Variants in UCN observed in about 807,000 individuals in gnomAD.
UCN encodes prepro-urocortin.
In UCN, 5 loss-of-function variants were observed where a neutral mutation model predicts 6.5. The ratio of observed to expected loss-of-function variants is 0.77; its 90% CI spans 0.40 to 1.62. The LOEUF is 1.62. Among genes scored for constraint, UCN ranks in the 40% most tolerant of loss-of-function variants. The pLI is 0.02. For missense variants in UCN, 195 were observed against 188.8 expected (o/e 1.03, Z -0.19); for synonymous variants, 95 against 96.4 (o/e 0.99, Z 0.09).
Position 27,308,046 on chromosome 2 carries a change from G to A in UCN, c.-14+114C>T. ...CCTGCCCTCCAGCCCCAGCCACTGC[G>A]CCAGTGCTGTTCCATCCCTTCCACC... On this transcript the variant is annotated intron_variant, in intron 1 of 1. Transcript: ENST00000296099. The surrounding 1 kb of genome is among the most constrained non-coding windows in gnomAD (Gnocchi z 4.2). The A allele has an allele frequency of 2.6e-6, 2 of 778,520 alleles. No individual in the cohort carries two copies. The highest frequency in any genetic ancestry group is 3.6e-6 in the Non-Finnish European group (2 of 554,080). 48.2% of individuals were successfully genotyped at this position (778,520 alleles called of 1,614,324 possible). A position where few individuals can be genotyped will look rare whatever the true frequency, so the allele number is the denominator to read the frequency against.
At position 27,307,883 on chromosome 2, in the gene UCN, C is replaced by A; in HGVS notation, c.13G>T (p.Gly5Ter). Residue 5 changes from glycine to a stop codon, truncating the protein, a stop_gained, in exon 2 of 2, where the codon GGA (glycine) becomes TGA (stop). Transcript: ENST00000296099. LOFTEE classifies it high-confidence loss of function. This position sits in a 1 kb window ranked among gnomAD's most constrained non-coding sequence, Gnocchi z 6.9. MRQA[G>*]RAALLAALLL... ...AGCGCGGCCAGCAGCGCTGCGCGTC[C>A]CGCCTGCCTCATGGTGCCGCCGGCC... 6.8e-7 allele frequency: 1 copy of A among 1,476,310 alleles called. No individual in the cohort carries two copies. Among genetic ancestry groups the A allele is most frequent in the Non-Finnish European group, 8.9e-7 (1 of 1,121,680 alleles). The allele number at this position is 1,476,310 out of a possible 1,614,324, so 91.5% of individuals were successfully genotyped here.
At position 27,307,442 on chromosome 2, in the gene UCN, G is replaced by T; in HGVS notation, c.*79C>A. On this transcript the variant is annotated 3_prime_UTR_variant, in exon 2 of 2. Coordinates refer to ENST00000296099, the MANE Select transcript of UCN (RefSeq NM_003353.4). This position sits in a 1 kb window ranked among gnomAD's most constrained non-coding sequence, Gnocchi z 6.9. ...ATTAAAAAATAGTCACGCAGACAGT[G>T]CCCTGGTGGCTCTGCCCCGCATCCC... 6.3e-7 allele frequency: 1 copy of T among 1,594,736 alleles called. No homozygotes were observed. The highest frequency in any genetic ancestry group is 8.5e-7 in the Non-Finnish European group (1 of 1,171,846).
chr2:27,307,470 C>T lies in UCN; in HGVS notation c.*51G>A, dbSNP rs557448134. 1.2e-6 allele frequency: 2 copies of T among 1,609,010 alleles called. No individual in the cohort carries two copies. The highest frequency in any genetic ancestry group is 1.3e-5 in the African/African-American group (1 of 74,570). On this transcript the variant is annotated 3_prime_UTR_variant, in exon 2 of 2. Transcript: ENST00000296099. This position sits in a 1 kb window ranked among gnomAD's most constrained non-coding sequence, Gnocchi z 6.9. ...CTGGTGGCTCTGCCCCGCATCCCAACTCTGGGGTGGGGGAAAGGGGTCAAC... is the reference window on the plus strand; with the variant it reads ...CTGGTGGCTCTGCCCCGCATCCCAATTCTGGGGTGGGGGAAAGGGGTCAAC...
rs778340628 is a variant in UCN at position 27,308,037 on chromosome 2, A to G, written c.-14+123T>C. ...TGCCCGCAGCCTGCCCTCCAGCCCC[A>G]GCCACTGCGCCAGTGCTGTTCCATC... is the stretch of plus-strand genomic sequence containing the variant. On this transcript the variant is annotated intron_variant, in intron 1 of 1. Coordinates refer to ENST00000296099, the MANE Select transcript of UCN (RefSeq NM_003353.4). This position sits in a 1 kb window ranked among gnomAD's most constrained non-coding sequence, Gnocchi z 4.2. The G allele has an allele frequency of 7.1e-6, 6 of 850,478 alleles. No homozygotes were observed. Among genetic ancestry groups the G allele is most frequent in the Non-Finnish European group, 9.7e-6 (6 of 619,440 alleles). 52.7% of individuals were successfully genotyped at this position (850,478 alleles called of 1,614,324 possible). A position where few individuals can be genotyped will look rare whatever the true frequency, so the allele number is the denominator to read the frequency against.
At position 27,307,606 on chromosome 2, in the gene UCN, C is replaced by T; in HGVS notation, c.290G>A (p.Arg97Gln). 1.9e-6 allele frequency: 3 copies of T among 1,612,700 alleles called. No homozygotes were observed. Among genetic ancestry groups the T allele is most frequent in the Non-Finnish European group, 8.5e-7 (1 of 1,179,916 alleles). Residue 97 changes from arginine to glutamine, a missense_variant, in exon 2 of 2, where the codon CGG becomes CAG. By Grantham distance (43) the Arg-to-Gln change is conservative (BLOSUM62 1). Coordinates refer to ENST00000296099, the MANE Select transcript of UCN (RefSeq NM_003353.4). This position sits in a 1 kb window ranked among gnomAD's most constrained non-coding sequence, Gnocchi z 6.9. ...LSIDLTFHLL[R>Q]TLLELARTQS... Reference sequence around the variant, plus strand: ...CGTCCGCGCCAGCTCCAGCAGGGTCCGCAGCAGGTGAAAGGTGAGGTCAAT... The same window carrying T: ...CGTCCGCGCCAGCTCCAGCAGGGTCTGCAGCAGGTGAAAGGTGAGGTCAAT...
Position 27,307,865 on chromosome 2 carries a change from CCAG to C in UCN, c.28_30del (p.Leu10del). ...AGCTGTACCAGGAGCAGCAGCGCGG[CCAG>C]CAGCGCTGCGCGTCCCGCCTGCCTC... On this transcript the variant is annotated inframe_deletion, in exon 2 of 2. Transcript: ENST00000296099. This position sits in a 1 kb window ranked among gnomAD's most constrained non-coding sequence, Gnocchi z 6.9. The C allele has an allele frequency of 6.7e-7, 1 of 1,488,850 alleles. No homozygotes were observed. Among genetic ancestry groups the C allele is most frequent in the Non-Finnish European group, 8.9e-7 (1 of 1,127,596 alleles). The allele number at this position is 1,488,850 out of a possible 1,614,324, so 92.2% of individuals were successfully genotyped here. A position where few individuals can be genotyped will look rare whatever the true frequency, so the allele number is the denominator to read the frequency against.
Position 27,307,496 on chromosome 2 carries a change from G to A in UCN, c.*25C>T, listed in dbSNP as rs182106011. ...TCTGGGGTGGGGGAAAGGGGTCAAC[G>A]TTTTCGCAGCCCCAAACCGGGCCAT... On this transcript the variant is annotated 3_prime_UTR_variant, in exon 2 of 2. Coordinates refer to ENST00000296099, the MANE Select transcript of UCN (RefSeq NM_003353.4). This position sits in a 1 kb window ranked among gnomAD's most constrained non-coding sequence, Gnocchi z 6.9. 136 of 1,612,410 alleles carry A rather than the reference G, an allele frequency of 8.4e-5. No individual in the cohort carries two copies. The highest frequency in any genetic ancestry group is 1.2e-4 in the Non-Finnish European group (136 of 1,179,840).
Position 27,307,461 on chromosome 2 carries a change from G to C in UCN, c.*60C>G. The C allele has an allele frequency of 1.2e-6, 2 of 1,605,458 alleles. No individual in the cohort carries two copies. On this transcript the variant is annotated 3_prime_UTR_variant, in exon 2 of 2. Coordinates refer to ENST00000296099, the MANE Select transcript of UCN (RefSeq NM_003353.4). The surrounding 1 kb of genome is among the most constrained non-coding windows in gnomAD (Gnocchi z 6.9). ...GACAGTGCCCTGGTGGCTCTGCCCC[G>C]CATCCCAACTCTGGGGTGGGGGAAA...
chr2:27,307,699 G>C lies in UCN; in HGVS notation c.197C>G (p.Ala66Gly), dbSNP rs760668364. 2 of 1,563,908 alleles carry C rather than the reference G, an allele frequency of 1.3e-6. No homozygotes were observed. Among genetic ancestry groups the C allele is most frequent in the South Asian group, 2.3e-5 (2 of 86,492 alleles). Reference sequence around the variant, plus strand: ...CCCGAGTCCCAATCGGCCGGGCCCCGCGCGGCGCGGGAAGCGCTCCGCCAG... The same window carrying C: ...CCCGAGTCCCAATCGGCCGGGCCCCCCGCGGCGCGGGAAGCGCTCCGCCAG... ...LLLAERFPRR[A>G]GPGRLGLGTA... Residue 66 changes from alanine to glycine, a missense_variant, in exon 2 of 2, where the codon GCG becomes GGG. By Grantham distance (60) the Ala-to-Gly change is moderately conservative. Coordinates refer to ENST00000296099, the MANE Select transcript of UCN (RefSeq NM_003353.4). This position sits in a 1 kb window ranked among gnomAD's most constrained non-coding sequence, Gnocchi z 6.9.
chr2:27,307,924 CAG>C lies in UCN; in HGVS notation c.-13-18_-13-17del. 7.1e-7 allele frequency: 1 copy of C among 1,408,740 alleles called. No individual in the cohort carries two copies. The highest frequency in any genetic ancestry group is 9.2e-7 in the Non-Finnish European group (1 of 1,087,750). The allele number at this position is 1,408,740 out of a possible 1,614,324, so 87.3% of individuals were successfully genotyped here. On this transcript the variant is annotated splice_polypyrimidine_tract_variant and intron_variant, in intron 1 of 1. Coordinates refer to ENST00000296099, the MANE Select transcript of UCN (RefSeq NM_003353.4). This position sits in a 1 kb window ranked among gnomAD's most constrained non-coding sequence, Gnocchi z 6.9. ...GCCGCCGGCCCTGGACACACAGGGG[CAG>C]CGCAGGGTGAGGTGCGCCTGGGACA...
chr2:27,308,104 A>G lies in UCN; in HGVS notation c.-14+56T>C. On this transcript the variant is annotated intron_variant, in intron 1 of 1. Transcript: ENST00000296099. This position sits in a 1 kb window ranked among gnomAD's most constrained non-coding sequence, Gnocchi z 4.2. Reference sequence around the variant, plus strand: ...CCTCCCCGGAGGAGCGTGGTGGCTGAGCTGAGCGGAGTCCTGGTGCAGGGG... The same window carrying G: ...CCTCCCCGGAGGAGCGTGGTGGCTGGGCTGAGCGGAGTCCTGGTGCAGGGG... 2.1e-6 allele frequency: 1 copy of G among 467,678 alleles called. No homozygotes were observed. Among genetic ancestry groups the G allele is most frequent in the Non-Finnish European group, 3.5e-6 (1 of 282,650 alleles). The allele number at this position is 467,678 out of a possible 1,614,324, so 29.0% of individuals were successfully genotyped here. A position where few individuals can be genotyped will look rare whatever the true frequency, so the allele number is the denominator to read the frequency against.
rs562586597 is a variant in UCN, at chr2:27,307,806, C to T, written c.90G>A (p.Ala30=). The change falls in exon 2 of 2, where the codon GCG becomes GCA. Residue 30 remains alanine (A), a synonymous_variant. Coordinates refer to ENST00000296099, the MANE Select transcript of UCN (RefSeq NM_003353.4). The surrounding 1 kb of genome is among the most constrained non-coding windows in gnomAD (Gnocchi z 6.9). ...GCAGACTCGGGTCCTGGACCCCGGC[C>T]GCCTCGGGGCTCCTCTGGCTGCTCC... ...CPGSSQRSPE[A]AGVQDPSLRW... 2 of 1,506,654 alleles carry T rather than the reference C, an allele frequency of 1.3e-6. No individual in the cohort carries two copies. The highest frequency in any genetic ancestry group is 2.8e-5 in the East Asian group (1 of 36,336). The allele number at this position is 1,506,654 out of a possible 1,614,324, so 93.3% of individuals were successfully genotyped here.
Position 27,307,880 on chromosome 2 carries a change from G to A in UCN, c.16C>T (p.Arg6Cys), listed in dbSNP as rs966237403. MRQAG[R>C]AALLAALLLL... ...AGCAGCGCGGCCAGCAGCGCTGCGC[G>A]TCCCGCCTGCCTCATGGTGCCGCCG... The change falls in exon 2 of 2, where the codon CGC becomes TGC. Residue 6 changes from arginine to cysteine, a missense_variant. Coordinates refer to ENST00000296099, the MANE Select transcript of UCN (RefSeq NM_003353.4). The surrounding 1 kb of genome is among the most constrained non-coding windows in gnomAD (Gnocchi z 6.9). The A allele has an allele frequency of 6.8e-7, 1 of 1,478,872 alleles. No homozygotes were observed. Among genetic ancestry groups the A allele is most frequent in the Admixed American group, 2.4e-5 (1 of 42,274 alleles). 91.6% of individuals were successfully genotyped at this position (1,478,872 alleles called of 1,614,324 possible). A position where few individuals can be genotyped will look rare whatever the true frequency, so the allele number is the denominator to read the frequency against.
In UCN at chr2:27,307,885, G is replaced by C. The variant is rs984626598; in HGVS notation, c.11C>G (p.Ala4Gly). ...CGCGGCCAGCAGCGCTGCGCGTCCC[G>C]CCTGCCTCATGGTGCCGCCGGCCCT... Reference protein sequence around the residue: MRQAGRAALLAALL... With the variant: MRQGGRAALLAALL... Residue 4 changes from alanine (A) to glycine (G), a missense_variant, in exon 2 of 2, where the codon GCG becomes GGG. By Grantham distance (60) the Ala-to-Gly change is moderately conservative. Coordinates refer to ENST00000296099, the MANE Select transcript of UCN (RefSeq NM_003353.4). The surrounding 1 kb of genome is among the most constrained non-coding windows in gnomAD (Gnocchi z 6.9). The C allele has an allele frequency of 1.4e-6, 2 of 1,475,864 alleles. No homozygotes were observed. Among genetic ancestry groups the C allele is most frequent in the Non-Finnish European group, 1.8e-6 (2 of 1,121,430 alleles). 91.4% of individuals were successfully genotyped at this position (1,475,864 alleles called of 1,614,324 possible). A position where few individuals can be genotyped will look rare whatever the true frequency, so the allele number is the denominator to read the frequency against.
rs778768676 is a variant in UCN at position 27,307,788 on chromosome 2, C to T, written c.108G>A (p.Pro36=). The change falls in exon 2 of 2, where the codon CCG becomes CCA. Residue 36 remains proline, a synonymous_variant. Coordinates refer to ENST00000296099, the MANE Select transcript of UCN (RefSeq NM_003353.4). The surrounding 1 kb of genome is among the most constrained non-coding windows in gnomAD (Gnocchi z 6.9). The part of the protein sequence containing the change: ...RSPEAAGVQD[P]SLRWSPGARN... ...GTGCCCCGGGGCTCCAGCGCAGACT[C>T]GGGTCCTGGACCCCGGCCGCCTCGG... The T allele has an allele frequency of 7.3e-6, 11 of 1,511,564 alleles. No individual in the cohort carries two copies. The South Asian group carries it at 8.7e-5, about 12-fold the overall frequency. 93.6% of individuals were successfully genotyped at this position (1,511,564 alleles called of 1,614,324 possible). A position where few individuals can be genotyped will look rare whatever the true frequency, so the allele number is the denominator to read the frequency against.
At position 27,307,864 on chromosome 2, in the gene UCN, G is replaced by T; in HGVS notation, c.32C>A (p.Ala11Asp). Residue 11 changes from alanine (A) to aspartate (D), a missense_variant, in exon 2 of 2, where the codon GCC becomes GAC. Transcript: ENST00000296099. This position sits in a 1 kb window ranked among gnomAD's most constrained non-coding sequence, Gnocchi z 6.9. ...CAGCTGTACCAGGAGCAGCAGCGCG[G>T]CCAGCAGCGCTGCGCGTCCCGCCTG... Reference protein sequence around the residue: MRQAGRAALLAALLLLVQLCP... With the variant: MRQAGRAALLDALLLLVQLCP... 6.7e-7 allele frequency: 1 copy of T among 1,488,694 alleles called. No homozygotes were observed. The allele number at this position is 1,488,694 out of a possible 1,614,324, so 92.2% of individuals were successfully genotyped here.
Position 27,307,438 on chromosome 2 carries a change from C to T in UCN, c.*83G>A. The T allele has an allele frequency of 6.3e-7, 1 of 1,586,586 alleles. No individual in the cohort carries two copies. The highest frequency in any genetic ancestry group is 8.6e-7 in the Non-Finnish European group (1 of 1,167,816). On this transcript the variant is annotated 3_prime_UTR_variant, in exon 2 of 2. Transcript: ENST00000296099. This position sits in a 1 kb window ranked among gnomAD's most constrained non-coding sequence, Gnocchi z 6.9. ...TTTTATTAAAAAATAGTCACGCAGA[C>T]AGTGCCCTGGTGGCTCTGCCCCGCA...
chr2:27,308,134 C>G lies in UCN; in HGVS notation c.-14+26G>C, dbSNP rs1277640331. 2.4e-6 allele frequency: 1 copy of G among 408,990 alleles called. No individual in the cohort carries two copies. The highest frequency in any genetic ancestry group is 4.3e-6 in the Non-Finnish European group (1 of 235,256). The allele number at this position is 408,990 out of a possible 1,614,324, so 25.3% of individuals were successfully genotyped here. ...AGCGGAGTCCTGGTGCAGGGGGAGG[C>G]TGGGCGGACGCTCTGAGCCACTCAC... On this transcript the variant is annotated intron_variant, in intron 1 of 1. Transcript: ENST00000296099. The surrounding 1 kb of genome is among the most constrained non-coding windows in gnomAD (Gnocchi z 4.2).
chr2:27,308,137 G>A lies in UCN; in HGVS notation c.-14+23C>T. 1 of 406,318 alleles carries A rather than the reference G, an allele frequency of 2.5e-6. No individual in the cohort carries two copies. Among genetic ancestry groups the A allele is most frequent in the Non-Finnish European group, 4.3e-6 (1 of 233,292 alleles). The allele number at this position is 406,318 out of a possible 1,614,324, so 25.2% of individuals were successfully genotyped here. ...GGAGTCCTGGTGCAGGGGGAGGCTG[G>A]GCGGACGCTCTGAGCCACTCACAGG... On this transcript the variant is annotated intron_variant, in intron 1 of 1. Transcript: ENST00000296099. This position sits in a 1 kb window ranked among gnomAD's most constrained non-coding sequence, Gnocchi z 4.2.
Sources: gnomAD v4.1 joint callset for allele counts on GRCh38, gnomAD v4.1.1 for gene constraint, Gnocchi (gnomAD v3.1) non-coding constraint, MANE v1.5 for transcripts, NCBI Gene and HGNC (gene_info 2026-07-23, HGNC 2026-07-21) for gene names.